Variants in ANXA13 observed in about 807,000 individuals in gnomAD.
ANXA13 encodes annexin XIII.
In ANXA13, 36 loss-of-function variants were observed where a neutral mutation model predicts 46.6. The observed-to-expected ratio is 0.77, with a 90% confidence interval of 0.59 to 1.02. The LOEUF is 1.02. Among genes scored for constraint, ANXA13 ranks in the 50% least tolerant of loss-of-function variants. The pLI, the probability that ANXA13 is intolerant of heterozygous loss-of-function variation, is 0.00. For missense variants in ANXA13, 417 were observed against 396.5 expected, an observed-to-expected ratio of 1.05 and a Z score of -0.44; for synonymous variants, 163 against 152.9, an observed-to-expected ratio of 1.07 and a Z score of -0.49.
At chr8:123,696,159 G>T (rs1347140625) in intron 4 of ANXA13, among the ~76,000 whole-genome samples, 1 of 151,984 alleles carries the variant, frequency 6.6e-6, no homozygotes, top group Non-Finnish European at 1.5e-5. Flanking sequence ...AATTGTATAG[G>T]TGTCATGTGT....
chr8:123,715,396 G>C (rs954103432), intron 1 of ANXA13, among the ~76,000 whole-genome samples: 1 of 152,188 alleles, frequency 6.6e-6, no homozygotes, highest in African/African-American at 2.4e-5. Context: ...CTTTTCATCC[G>C]AAGTATTATG....
At chr8:123,720,657 C>CGTGTGTGTGTGTGTGTGT (rs34135339) in intron 1 of ANXA13, among the ~76,000 whole-genome samples, 2 of 141,436 alleles carry the variant, frequency 1.4e-5, no homozygotes, top group Admixed American at 7.2e-5. Flanking sequence ...CCTGTGTCCC[C>CGTGTGTGTGTGTGTGTGT]GTGTGTGTGT....
At chr8:123,693,398 G>A in intron 7 of ANXA13, 100 bp from the exon 8 acceptor site, 1 of 1,043,002 alleles carries the variant, frequency 9.6e-7, no homozygotes, top group East Asian at 2.4e-5. Flanking sequence ...TATAAACTAT[G>A]CATTGAATAG....
Position 123,709,398 on chromosome 8 carries a change from CTCTCTTCTCTCTT to C in ANXA13, c.91+3267_91+3279del, listed in dbSNP as rs952987972. Reference sequence around the variant, plus strand: ...TCTCTCCTTCACTCTCTCCCTCCCTCTCTCTTCTCTCTTTCTCTTCTCTCTCCCTATCTTCTTT... The same window carrying C: ...TCTCTCCTTCACTCTCTCCCTCCCTCTCTCTTCTCTCTCCCTATCTTCTTT... On this transcript the variant is annotated intron_variant, in intron 2 of 10. Coordinates refer to ENST00000419625, the MANE Select transcript of ANXA13 (RefSeq NM_004306.4). 1.1e-3 allele frequency among the ~76,000 whole-genome samples: 167 copies of C among 151,832 alleles called. 1 individual carries two copies. Among genetic ancestry groups the C allele is most frequent in the African/African-American group, 4.0e-3 (165 of 41,382 alleles).
intron 1 of ANXA13, among the ~76,000 whole-genome samples, chr8:123,725,960 T>G (rs754415143): frequency 4.6e-5 from 7 of 152,238 alleles, no homozygotes; most frequent in Non-Finnish European, 1.0e-4. Flanking sequence ...TTGCTGTTGA[T>G]ACCTCCTTTC....
At chr8:123,685,680 G>A (rs1485954829) in intron 9 of ANXA13, among the ~76,000 whole-genome samples, 1 of 152,220 alleles carries the variant, frequency 6.6e-6, no homozygotes, top group Non-Finnish European at 1.5e-5. Flanking sequence ...GGGGAGAGGA[G>A]CAGAGTTCGG....
At chr8:123,686,383 C>A (rs1173587122) in intron 9 of ANXA13, among the ~76,000 whole-genome samples, 1 of 151,544 alleles carries the variant, frequency 6.6e-6, no homozygotes, top group Non-Finnish European at 1.5e-5. Flanking sequence ...CCACTTGAAC[C>A]CGGGAGGCAG....
At chr8:123,702,880 T>G (rs17257150) in intron 2 of ANXA13, 144 bp from the exon 3 acceptor site, 122,187 of 674,334 alleles carry the variant, frequency 0.18, 11,938 homozygotes, top group Admixed American at 0.22. Flanking sequence ...TTAGCTTTGA[T>G]GCCTTGTGCT....
chr8:123,723,956 A>G (rs905481944), intron 1 of ANXA13, among the ~76,000 whole-genome samples: 3 of 152,182 alleles, frequency 2.0e-5, no homozygotes, highest in Admixed American at 6.5e-5. Context: ...AATACACTGA[A>G]TGCCTTTTCT....
At chr8:123,722,521 A>T (rs893639246) in intron 1 of ANXA13, among the ~76,000 whole-genome samples, 1 of 152,212 alleles carries the variant, frequency 6.6e-6, no homozygotes, top group East Asian at 1.9e-4. Context: ...AATATTCTCG[A>T]TGATGAGAAA....
At chr8:123,711,059 G>C (rs76112021) in intron 2 of ANXA13, among the ~76,000 whole-genome samples, 1 of 152,222 alleles carries the variant, frequency 6.6e-6, no homozygotes, top group African/African-American at 2.4e-5. Context: ...GAGAAACCAT[G>C]ATCTCCCTAC....
rs775417238 is a variant in ANXA13, at chr8:123,693,865, AAG to A, written c.472-88_472-87del. 3.4e-5 allele frequency: 43 copies of A among 1,251,434 alleles called. No individual in the cohort carries two copies. In the Middle Eastern group the frequency reaches 7.4e-4, roughly 22 times the overall value. The allele number at this position is 1,251,434 out of a possible 1,614,324, so 77.5% of individuals were successfully genotyped here. On this transcript the variant is annotated intron_variant, in intron 6 of 10. Coordinates refer to ENST00000419625, the MANE Select transcript of ANXA13 (RefSeq NM_004306.4). Reference sequence around the variant, plus strand: ...AACAAAAAAAACAAAGTCCTGGAGAAAGAGGTGAATTCTTTCTCAGCTCAGCT... The same window carrying A: ...AACAAAAAAAACAAAGTCCTGGAGAAAGGTGAATTCTTTCTCAGCTCAGCT...
intron 1 of ANXA13, among the ~76,000 whole-genome samples, chr8:123,720,430 C>A (rs1336605440): frequency 6.6e-6 from 1 of 152,082 alleles, no homozygotes; most frequent in Non-Finnish European, 1.5e-5. Context: ...GTTAATGGCA[C>A]CTTGCGCCAA....
At chr8:123,689,533 G>A (rs922599499) in intron 8 of ANXA13, among the ~76,000 whole-genome samples, 84 of 152,050 alleles carry the variant, frequency 5.5e-4, no homozygotes, top group African/African-American at 1.5e-3. Flanking sequence ...GCTGGGAGCC[G>A]GGGGTGCTGA....
Position 123,697,445 on chromosome 8 carries a change from G to T in ANXA13, c.357+944C>A, listed in dbSNP as rs1270272166. Among the ~76,000 whole-genome samples, 3 of 152,276 alleles carry T rather than the reference G, an allele frequency of 2.0e-5. No homozygotes were observed. In the East Asian group the frequency reaches 5.8e-4, roughly 29 times the overall value. ...ATGGAGGATTTTTATTATCTTGTGG[G>T]GAGAAAAGAAGTCCGGGGATGCTCC... On this transcript the variant is annotated intron_variant, in intron 4 of 10. Coordinates refer to ENST00000419625, the MANE Select transcript of ANXA13 (RefSeq NM_004306.4).
intron 9 of ANXA13, among the ~76,000 whole-genome samples, chr8:123,687,030 T>C (rs1307933200): frequency 6.6e-6 from 1 of 152,208 alleles, no homozygotes; most frequent in Non-Finnish European, 1.5e-5. Context: ...TTTGTTTTTT[T>C]ATCTTTATCT....
chr8:123,684,780 G>A (rs1813108657), intron 9 of ANXA13, 58 bp from the exon 10 acceptor site: 1 of 1,315,534 alleles, frequency 7.6e-7, no homozygotes, highest in South Asian at 1.2e-5. Flanking sequence ...GAATGACCTT[G>A]GGACCCCCCT....
chr8:123,709,768 A>G (rs1563613645), intron 2 of ANXA13, among the ~76,000 whole-genome samples: 2 of 152,070 alleles, frequency 1.3e-5, no homozygotes, highest in Non-Finnish European at 2.9e-5. Flanking sequence ...GTATGTGTGT[A>G]TATATTTGAG....
intron 1 of ANXA13, among the ~76,000 whole-genome samples, chr8:123,716,510 G>A (rs1447383578): frequency 6.6e-6 from 1 of 152,130 alleles, no homozygotes; most frequent in East Asian, 1.9e-4. Flanking sequence ...TGCTTGAGAA[G>A]ATAATTCAGG....
Sources: gnomAD v4.1 joint callset for allele counts (sites outside exome capture counted in the v4.1 genomes callset) on GRCh38, gnomAD v4.1.1 for gene constraint, MANE v1.5 for transcripts, NCBI Gene and HGNC (gene_info 2026-07-23, HGNC 2026-07-21) for gene names.